Variants in FARS2 observed in about 807,000 individuals in gnomAD.
The protein encoded by FARS2 is phenylalanine--tRNA ligase, mitochondrial.
Under a neutral mutation model 46.4 loss-of-function variants are expected in FARS2, and 40 were observed. The observed-to-expected ratio is 0.86, with a 90% CI of 0.67 to 1.12. FARS2 has a LOEUF of 1.12. FARS2 is among the 50% of genes most tolerant of loss of function. The pLI, the probability that FARS2 is intolerant of heterozygous loss-of-function variation, is 0.00. For missense variants in FARS2, 513 were observed against 567.9 expected (o/e 0.90, Z 0.98); for synonymous variants, 234 against 214.9 (o/e 1.09, Z -0.78).
At chr6:5,513,234 C>G (rs1207920349) in intron 4 of FARS2, among the ~76,000 whole-genome samples, 1 of 152,126 alleles carries the variant, frequency 6.6e-6, no homozygotes, top group Non-Finnish European at 1.5e-5. Context: ...TTCAGATAGT[C>G]AGGAACCTTG....
chr6:5,276,885 A>G (rs946874609), intron 1 of FARS2, among the ~76,000 whole-genome samples: 2 of 152,200 alleles, frequency 1.3e-5, no homozygotes, highest in South Asian at 2.1e-4. Flanking sequence ...TCCCATCTCT[A>G]TAAATCAGGC....
At chr6:5,720,244 A>G (rs998812090) in intron 6 of FARS2, among the ~76,000 whole-genome samples, 1 of 152,270 alleles carries the variant, frequency 6.6e-6, no homozygotes, top group Middle Eastern at 3.2e-3. Context: ...GGAGACATTT[A>G]TAGTGATTCT....
At chr6:5,484,461 A>G (rs1766658967) in intron 4 of FARS2, among the ~76,000 whole-genome samples, 1 of 152,246 alleles carries the variant, frequency 6.6e-6, no homozygotes, top group Non-Finnish European at 1.5e-5. Context: ...CACTAACCAC[A>G]TGTGACTGGT....
At chr6:5,757,841 T>A (rs1762287436) in intron 6 of FARS2, among the ~76,000 whole-genome samples, 1 of 152,240 alleles carries the variant, frequency 6.6e-6, no homozygotes, top group African/African-American at 2.4e-5. Context: ...GTTCATTGTC[T>A]CTATTGTTGC....
chr6:5,743,408 C>T (rs1761461537), intron 6 of FARS2, among the ~76,000 whole-genome samples: 1 of 152,198 alleles, frequency 6.6e-6, no homozygotes, highest in Non-Finnish European at 1.5e-5. Context: ...CAGGACCTTA[C>T]ATCACCTTCC....
intron 2 of FARS2, chr6:5,371,188 G>A: frequency 1.0e-6 from 1 of 984,964 alleles, no homozygotes; most frequent in Non-Finnish European, 1.2e-6. Flanking sequence ...GGAGAGTGGA[G>A]TCAGAAGATT....
intron 6 of FARS2, among the ~76,000 whole-genome samples, chr6:5,723,295 T>C (rs182976661): frequency 6.6e-6 from 1 of 152,356 alleles, no homozygotes; most frequent in East Asian, 1.9e-4. Flanking sequence ...ATATTTCATT[T>C]ATTTACATGC....
intron 6 of FARS2, among the ~76,000 whole-genome samples, chr6:5,650,348 T>C (rs143173679): frequency 0.014 from 2,099 of 149,518 alleles, 27 homozygotes; most frequent in Middle Eastern, 0.045. Flanking sequence ...AAGAGAGATA[T>C]ATGCACAGAA....
At chr6:5,341,753 A>T (rs1771674246) in intron 1 of FARS2, among the ~76,000 whole-genome samples, 1 of 152,114 alleles carries the variant, frequency 6.6e-6, no homozygotes, top group Non-Finnish European at 1.5e-5. Flanking sequence ...TCCTGACCTC[A>T]GGCGATCCAC....
intron 6 of FARS2, among the ~76,000 whole-genome samples, chr6:5,699,026 A>G (rs1163287767): frequency 2.6e-5 from 4 of 152,336 alleles, no homozygotes; most frequent in African/African-American, 7.2e-5. Flanking sequence ...TGTGCTGTGC[A>G]GGTAACTCAG....
chr6:5,483,073 T>C (rs1046848225), intron 4 of FARS2, among the ~76,000 whole-genome samples: 2 of 152,162 alleles, frequency 1.3e-5, no homozygotes, highest in Non-Finnish European at 1.5e-5. Flanking sequence ...TACAAGAGCA[T>C]TATGGAATGG....
At chr6:5,297,238 G>A (rs556045198) in intron 1 of FARS2, among the ~76,000 whole-genome samples, 1 of 152,310 alleles carries the variant, frequency 6.6e-6, no homozygotes, top group Admixed American at 6.5e-5. Flanking sequence ...GAGAGTCCAA[G>A]GGGCATGACT....
At chr6:5,568,173 A>G (rs1160017353) in intron 5 of FARS2, among the ~76,000 whole-genome samples, 1 of 151,666 alleles carries the variant, frequency 6.6e-6, no homozygotes, top group East Asian at 1.9e-4. Flanking sequence ...TCTATGTGGC[A>G]TTTTCTTTCA....
At chr6:5,357,952 C>T (rs927306136) in intron 1 of FARS2, among the ~76,000 whole-genome samples, 1 of 152,186 alleles carries the variant, frequency 6.6e-6, no homozygotes, top group South Asian at 2.1e-4. Context: ...GGCTGTTAGA[C>T]TCTACTTACT....
intron 6 of FARS2, among the ~76,000 whole-genome samples, chr6:5,685,566 T>C (rs1757134912): frequency 6.6e-6 from 1 of 152,174 alleles, no homozygotes; most frequent in African/African-American, 2.4e-5. Flanking sequence ...TGCTGCACAG[T>C]GTAGGCAGAA....
At chr6:5,556,824 A>C (rs1024618550) in intron 5 of FARS2, among the ~76,000 whole-genome samples, 15 of 152,124 alleles carry the variant, frequency 9.9e-5, no homozygotes, top group Admixed American at 8.5e-4. Flanking sequence ...TTAAGGAAAT[A>C]AATATATAAG....
intron 6 of FARS2, among the ~76,000 whole-genome samples, chr6:5,615,590 C>T (rs186354200): frequency 6.6e-6 from 1 of 152,314 alleles, no homozygotes; most frequent in East Asian, 1.9e-4. Flanking sequence ...CCAATGGCAA[C>T]ATTTTTCTGT....
At chr6:5,296,180 C>T (rs912028965) in intron 1 of FARS2, among the ~76,000 whole-genome samples, 6 of 113,548 alleles carry the variant, frequency 5.3e-5, no homozygotes, top group Admixed American at 2.5e-4. Context: ...CTAGCTCTGT[C>T]GCCTGGGCTG....
At chr6:5,541,838 T>C (rs533385123) in intron 4 of FARS2, among the ~76,000 whole-genome samples, 4 of 152,326 alleles carry the variant, frequency 2.6e-5, no homozygotes, top group African/African-American at 9.6e-5. Flanking sequence ...GGGTTATCTC[T>C]TGATTATATG....
Sources: allele counts gnomAD v4.1 joint callset (sites outside exome capture counted in the v4.1 genomes callset), GRCh38; gene constraint gnomAD v4.1.1; transcripts MANE v1.5; gene names NCBI Gene and HGNC (gene_info 2026-07-23, HGNC 2026-07-21).